Variants in TANC2 observed in about 807,000 individuals in gnomAD.
TANC2 encodes protein TANC2.
Under a neutral mutation model 210.5 loss-of-function variants are expected in TANC2, and 26 were observed. The observed-to-expected ratio is 0.12, with a 90% confidence interval of 0.09 to 0.17. The LOEUF is 0.17. Among genes scored for constraint, TANC2 ranks in the 10% least tolerant of loss-of-function variants. The pLI, the probability that TANC2 is intolerant of heterozygous loss-of-function variation, is 1.00. For missense variants in TANC2, 2,129 were observed against 2,608.9 expected, an observed-to-expected ratio of 0.82 and a Z score of 4.01; for synonymous variants, 931 against 967.1, an observed-to-expected ratio of 0.96 and a Z score of 0.69.
chr17:63,113,709 A>T (rs1213490480), intron 4 of TANC2, among the ~76,000 whole-genome samples: 1 of 152,038 alleles, frequency 6.6e-6, no homozygotes, highest in Non-Finnish European at 1.5e-5. Context: ...GGGTCTTGCT[A>T]TGTTGCCCAG....
exon 28 of TANC2, chr17:63,427,298 T>C (rs906414222): frequency 5.3e-5 from 8 of 152,256 alleles, no homozygotes; most frequent in Admixed American, 2.0e-4. Flanking sequence ...CTTCCTCCTC[T>C]TTGCTGTCCT....
chr17:62,994,265 C>T (rs1329024663), intron 1 of TANC2, among the ~76,000 whole-genome samples: 1 of 151,744 alleles, frequency 6.6e-6, no homozygotes, highest in African/African-American at 2.4e-5. Flanking sequence ...CCTCTGCCTC[C>T]TGGGTTCCTG....
intron 9 of TANC2, among the ~76,000 whole-genome samples, chr17:63,306,420 C>G (rs530871542): frequency 6.6e-6 from 1 of 152,266 alleles, no homozygotes; most frequent in South Asian, 2.1e-4. Context: ...TCTTGATTCC[C>G]TTCTTCAATA....
At chr17:63,254,732 TTG>T (rs1358009701) in intron 8 of TANC2, among the ~76,000 whole-genome samples, 1 of 152,226 alleles carries the variant, frequency 6.6e-6, no homozygotes, top group African/African-American at 2.4e-5. Context: ...ATTGAAATGA[TTG>T]TATTATTTTT....
intron 4 of TANC2, among the ~76,000 whole-genome samples, chr17:63,135,806 CTT>C (rs2039070848): frequency 6.6e-6 from 1 of 152,100 alleles, no homozygotes; most frequent in Non-Finnish European, 1.5e-5. Flanking sequence ...TATATCCAAA[CTT>C]TGAAATTTGG....
intron 7 of TANC2, among the ~76,000 whole-genome samples, chr17:63,234,574 C>T (rs554737264): frequency 1.4e-4 from 22 of 152,156 alleles, no homozygotes; most frequent in African/African-American, 5.3e-4. Flanking sequence ...GCTTTAGCCT[C>T]TGTGCTTTCC....
chr17:63,079,725 G>T, intron 3 of TANC2, among the ~76,000 whole-genome samples: 1 of 152,166 alleles, frequency 6.6e-6, no homozygotes, highest in East Asian at 1.9e-4. Context: ...AGTAGCAGCA[G>T]AAATATATGT....
intron 2 of TANC2, among the ~76,000 whole-genome samples, chr17:63,010,822 G>T (rs2033834094): frequency 6.6e-6 from 1 of 152,120 alleles, no homozygotes; most frequent in South Asian, 2.1e-4. Context: ...ATGTGGGTAG[G>T]GCAAGGTATA....
intron 9 of TANC2, among the ~76,000 whole-genome samples, chr17:63,291,507 G>A (rs978598964): frequency 6.6e-6 from 1 of 152,160 alleles, no homozygotes; most frequent in African/African-American, 2.4e-5. Flanking sequence ...GTAACACTAG[G>A]TTGGATGATT....
chr17:62,974,731 T>C (rs1287557486), intron 1 of TANC2, among the ~76,000 whole-genome samples: 2 of 152,216 alleles, frequency 1.3e-5, no homozygotes, highest in Admixed American at 1.3e-4. Flanking sequence ...ATACTATTAA[T>C]ATTTGCCACT....
intron 8 of TANC2, among the ~76,000 whole-genome samples, chr17:63,249,834 C>T (rs1389086555): frequency 6.6e-6 from 1 of 152,136 alleles, no homozygotes; most frequent in African/African-American, 2.4e-5. Flanking sequence ...GTTCCTTGCT[C>T]AAGTCAGCTA....
intron 17 of TANC2, chr17:63,393,566 A>T (rs1453712873): frequency 1.3e-5 from 2 of 152,160 alleles, no homozygotes; most frequent in African/African-American, 4.8e-5. Context: ...TTAGGAGGAC[A>T]TTGACCCCCA....
chr17:63,415,768 C>T, intron 26 of TANC2, 94 bp downstream of exon 26: 1 of 1,475,858 alleles, frequency 6.8e-7, no homozygotes, highest in Non-Finnish European at 9.1e-7. Context: ...AAATCCTCCT[C>T]TGCCCCATTT....
rs116242759 is a variant in TANC2, at chr17:63,036,041, G to A, written c.67+26415G>A. Among the ~76,000 whole-genome samples the A allele has an allele frequency of 3.7e-3, 569 of 152,124 alleles. 7 individuals are homozygous for A. The highest frequency in any genetic ancestry group is 0.013 in the African/African-American group (557 of 41,534). On this transcript the variant is annotated intron_variant, in intron 2 of 27. Coordinates refer to ENST00000689528, the Ensembl canonical transcript of TANC2. ...TTGCCCATTTTTTATTTGGTTGTTT[G>A]TTTTCTCATTGGTGTATTTTAAGAG... is the stretch of plus-strand genomic sequence containing the variant.
At chr17:63,307,844 C>T (rs143957942) in intron 9 of TANC2, among the ~76,000 whole-genome samples, 232 of 152,286 alleles carry the variant, frequency 1.5e-3, no homozygotes, top group Middle Eastern at 0.01. Flanking sequence ...CAGCTCACTG[C>T]AATCTCTGCC....
intron 9 of TANC2, among the ~76,000 whole-genome samples, chr17:63,304,778 T>C (rs2044841903): frequency 6.6e-6 from 1 of 152,098 alleles, no homozygotes; most frequent in South Asian, 2.1e-4. Context: ...CCTGAGTCCC[T>C]GGCTGGAGTT....
chr17:63,271,442 T>C (rs1465324177), intron 9 of TANC2, among the ~76,000 whole-genome samples: 1 of 151,466 alleles, frequency 6.6e-6, no homozygotes, highest in Non-Finnish European at 1.5e-5. Context: ...TTTTCTTTTT[T>C]TTTTTTTTTA....
intron 21 of TANC2, among the ~76,000 whole-genome samples, chr17:63,408,767 C>T (rs989645300): frequency 1.3e-5 from 2 of 152,232 alleles, no homozygotes; most frequent in African/African-American, 2.4e-5. Context: ...CCTGCTGTGG[C>T]AGGTGCTAAG....
chr17:63,309,903 T>A (rs978719228), intron 9 of TANC2, among the ~76,000 whole-genome samples: 1 of 151,892 alleles, frequency 6.6e-6, no homozygotes, highest in East Asian at 1.9e-4. Context: ...ATGAATAAGA[T>A]AAAGTAAGCA....
Sources: gnomAD v4.1 joint callset for allele counts (sites outside exome capture counted in the v4.1 genomes callset) on GRCh38, gnomAD v4.1.1 for gene constraint, MANE v1.5 for transcripts, NCBI Gene and HGNC (gene_info 2026-07-23, HGNC 2026-07-21) for gene names.